Variants in SORCS1 observed in about 807,000 individuals in gnomAD.
SORCS1 encodes the protein VPS10 domain-containing receptor SorCS1.
In SORCS1, 60 loss-of-function variants were observed where a neutral mutation model predicts 146.1. That is an observed-to-expected ratio of 0.41 (90% confidence interval 0.33 to 0.51). The LOEUF is 0.51. Among genes scored for constraint, SORCS1 ranks in the 20% least tolerant of loss-of-function variants. The pLI is 0.21. For synonymous variants in SORCS1, 637 were observed against 584.0 expected, an observed-to-expected ratio of 1.09 and a Z score of -1.31; for missense variants, 1,352 against 1,487.6, an observed-to-expected ratio of 0.91 and a Z score of 1.50.
At chr10:106,822,498 C>T (rs752781068) in intron 3 of SORCS1, among the ~76,000 whole-genome samples, 10 of 152,054 alleles carry the variant, frequency 6.6e-5, no homozygotes, top group Non-Finnish European at 1.0e-4. Flanking sequence ...ATTTGAAACC[C>T]AGGGGATTAC....
At chr10:106,604,050 G>T (rs1046591072) in intron 23 of SORCS1, among the ~76,000 whole-genome samples, 2 of 152,124 alleles carry the variant, frequency 1.3e-5, no homozygotes, top group Non-Finnish European at 2.9e-5. Context: ...TCTTTGGATT[G>T]GGTTGATAAA....
intron 2 of SORCS1, among the ~76,000 whole-genome samples, chr10:106,875,501 A>G (rs541336282): frequency 6.6e-6 from 1 of 152,258 alleles, no homozygotes; most frequent in South Asian, 2.1e-4. Context: ...GCTGGATTGA[A>G]TGGTAGATTT....
chr10:107,146,107 G>A (rs760846398), intron 1 of SORCS1, among the ~76,000 whole-genome samples: 79 of 152,302 alleles, frequency 5.2e-4, no homozygotes, highest in Non-Finnish European at 7.9e-4. Context: ...GACACTGAAT[G>A]AGATTATCCA....
At chr10:106,652,897 T>C (rs1287251919) in intron 17 of SORCS1, among the ~76,000 whole-genome samples, 1 of 152,190 alleles carries the variant, frequency 6.6e-6, no homozygotes, top group African/African-American at 2.4e-5. Context: ...ATGGCTAATC[T>C]AGGAGATAAT....
At chr10:106,995,999 C>T (rs917566296) in intron 1 of SORCS1, among the ~76,000 whole-genome samples, 4 of 151,910 alleles carry the variant, frequency 2.6e-5, no homozygotes, top group East Asian at 1.9e-4. Context: ...GAGGCCGAAG[C>T]GGGTAGATCA....
At chr10:106,625,085 T>A (rs898670147) in intron 19 of SORCS1, among the ~76,000 whole-genome samples, 2 of 152,048 alleles carry the variant, frequency 1.3e-5, no homozygotes, top group African/African-American at 4.8e-5. Flanking sequence ...CCTGGAAAGG[T>A]GGTTGAGAGA....
Position 106,878,643 on chromosome 10 carries a change from TA to T in SORCS1, c.627-48971del, listed in dbSNP as rs1564765113. ...TAGTATATATATATATATATATATA[TA>T]TATATTTTATAGCAGCCTGAATGGA... On this transcript the variant is annotated intron_variant, in intron 2 of 25. Coordinates refer to ENST00000263054, the MANE Select transcript of SORCS1 (RefSeq NM_052918.5). Among the ~76,000 whole-genome samples the T allele has an allele frequency of 2.7e-4, 37 of 139,474 alleles. 1 individual carries two copies. The South Asian group carries it at 2.8e-3, about 10-fold the overall frequency. 91.5% of individuals were successfully genotyped at this position (139,474 alleles called of 152,430 possible).
chr10:106,704,104 C>T (rs1480614581), intron 8 of SORCS1, among the ~76,000 whole-genome samples: 1 of 152,132 alleles, frequency 6.6e-6, no homozygotes, highest in Non-Finnish European at 1.5e-5. Flanking sequence ...TATGAACAAG[C>T]AATGCAAAGT....
chr10:106,589,508 A>G (rs1238858325), intron 24 of SORCS1, among the ~76,000 whole-genome samples: 4 of 152,188 alleles, frequency 2.6e-5, no homozygotes, highest in South Asian at 4.1e-4. Context: ...ACCTGTCAGC[A>G]GATTCCCCTC....
intron 1 of SORCS1, among the ~76,000 whole-genome samples, chr10:107,008,134 C>T (rs536425685): frequency 8.4e-4 from 127 of 152,094 alleles, no homozygotes; most frequent in African/African-American, 3.0e-3. Context: ...TTTTTCTATA[C>T]TAACATCATA....
At chr10:106,935,628 G>A (rs567019708) in intron 2 of SORCS1, among the ~76,000 whole-genome samples, 31 of 152,234 alleles carry the variant, frequency 2.0e-4, no homozygotes, top group Non-Finnish European at 3.7e-4. Context: ...AATGTAGAAT[G>A]TTAGAGCTAG....
chr10:107,180,467 G>C, the SORCS1 span, among the ~76,000 whole-genome samples: 1 of 152,036 alleles, frequency 6.6e-6, no homozygotes, highest in Admixed American at 6.6e-5. Context: ...TTAGTTGAAA[G>C]GCTCTGACCT....
intron 2 of SORCS1, among the ~76,000 whole-genome samples, chr10:106,885,154 TAGAC>T (rs1013921731): frequency 2.6e-4 from 40 of 152,200 alleles, no homozygotes; most frequent in African/African-American, 9.4e-4. Context: ...ATAGCCAATT[TAGAC>T]AGATAAATAG....
chr10:107,058,830 G>A (rs1960894599), intron 1 of SORCS1, among the ~76,000 whole-genome samples: 1 of 152,124 alleles, frequency 6.6e-6, no homozygotes, highest in South Asian at 2.1e-4. Context: ...TATAGTTCCA[G>A]TTACCTAAGA....
chr10:107,129,444 AAG>A lies in SORCS1; in HGVS notation c.558+34523_558+34524del, dbSNP rs373823922. Among the ~76,000 whole-genome samples the A allele has an allele frequency of 3.5e-3, 526 of 152,338 alleles. 3 individuals carry two copies. Among genetic ancestry groups the A allele is most frequent in the African/African-American group, 0.012 (485 of 41,572 alleles). Reference sequence around the variant, plus strand: ...ACTGGCATAAAAAGAAGGGAGAAAAAAGAATGTTCAAATAACTCTGTTGTTAT... The same window carrying A: ...ACTGGCATAAAAAGAAGGGAGAAAAAAATGTTCAAATAACTCTGTTGTTAT... On this transcript the variant is annotated intron_variant, in intron 1 of 25. Transcript: ENST00000263054.
intron 6 of SORCS1, among the ~76,000 whole-genome samples, chr10:106,722,431 A>G (rs568407622): frequency 3.5e-4 from 53 of 152,292 alleles, no homozygotes; most frequent in Admixed American, 1.8e-3. Context: ...GTTCTTACCC[A>G]AGACCAGAAT....
At chr10:106,657,804 T>C (rs993192475) in intron 17 of SORCS1, among the ~76,000 whole-genome samples, 1 of 151,852 alleles carries the variant, frequency 6.6e-6, no homozygotes, top group Non-Finnish European at 1.5e-5. Context: ...TTGGGCAATT[T>C]ACCCATCCTC....
chr10:106,779,081 A>G (rs1415023), intron 3 of SORCS1, among the ~76,000 whole-genome samples: 7,148 of 151,976 alleles, frequency 0.047, 271 homozygotes, highest in East Asian at 0.11. Context: ...GAAACTTAAT[A>G]TTATAAAAAT....
chr10:107,122,449 A>G (rs1438184953), intron 1 of SORCS1, among the ~76,000 whole-genome samples: 2 of 152,238 alleles, frequency 1.3e-5, no homozygotes, highest in African/African-American at 4.8e-5. Context: ...AAGGTAAGGA[A>G]GAAGCTACTC....
Sources: gnomAD v4.1 joint callset for allele counts (sites outside exome capture counted in the v4.1 genomes callset) on GRCh38, gnomAD v4.1.1 for gene constraint, MANE v1.5 for transcripts, NCBI Gene and HGNC (gene_info 2026-07-23, HGNC 2026-07-21) for gene names.